Variants in AKAP8 observed in about 807,000 individuals in gnomAD.
AKAP8 encodes A-kinase anchor protein 8.
Under a neutral mutation model 67.5 loss-of-function variants are expected in AKAP8, and 24 were observed. The ratio of observed to expected loss-of-function variants is 0.36; its 90% CI spans 0.26 to 0.50. The LOEUF is 0.50. Among genes scored for constraint, AKAP8 ranks in the 20% least tolerant of loss-of-function variants. The probability of loss-of-function intolerance (pLI) is 0.97; values close to 1 mark genes in which losing one functional copy is unlikely to be tolerated. For synonymous variants in AKAP8, 400 were observed against 371.1 expected (o/e 1.08, Z -0.90); for missense variants, 971 against 955.9 (o/e 1.02, Z -0.21).
intron 9 of AKAP8, among the ~76,000 whole-genome samples, chr19:15,365,394 T>G (rs1471394926): frequency 6.6e-6 from 1 of 152,240 alleles, no homozygotes; most frequent in Non-Finnish European, 1.5e-5. Flanking sequence ...GCAACCACGC[T>G]GCATGGCAAG....
Position 15,373,036 on chromosome 19 carries a change from C to T in AKAP8, c.676G>A (p.Glu226Lys), listed in dbSNP as rs200383217. The T allele has an allele frequency of 4.9e-3, 7,837 of 1,594,842 alleles. 24 individuals carry two copies. Among genetic ancestry groups the T allele is most frequent in the Non-Finnish European group, 6.2e-3 (7,192 of 1,168,666 alleles). The change falls in exon 5 of 14, where the codon GAG becomes AAG. Residue 226 changes from glutamate (E) to lysine (K), a missense_variant. By Grantham distance (56) the Glu-to-Lys change is moderately conservative. Transcript: ENST00000269701. ...CCCCGTCCACCCACGTAGTTCAGCT[C>T]GTTCCAGGGCGTGGACAGGGGCTCA... ...SSEPLSTPWN[E>K]LNYVGGRGLG... is the part of the protein sequence containing the mutation.
intron 12 of AKAP8, 22 bp downstream of exon 12, chr19:15,360,826 C>T (rs750238286): frequency 6.2e-7 from 1 of 1,607,362 alleles, no homozygotes; most frequent in South Asian, 1.1e-5. Flanking sequence ...GCACCCCAGG[C>T]AGTGTGGGGA....
Position 15,373,143 on chromosome 19 carries a change from C to T in AKAP8, c.569G>A (p.Arg190Gln), listed in dbSNP as rs773929361. The T allele has an allele frequency of 2.6e-5, 42 of 1,613,030 alleles. No individual in the cohort carries two copies. The highest frequency in any genetic ancestry group is 1.3e-4 in the Admixed American group (8 of 59,970). The change falls in exon 5 of 14, where the codon CGG becomes CAG. Residue 190 changes from arginine (R) to glutamine (Q), a missense_variant. Around this residue, in one of 3 missense-constraint regions of AKAP8, gnomAD observed 763 missense variants for 745.4 expected, o/e 1.02. Transcript: ENST00000269701. ...CCGGTCCTGGAAGCGGCCCTGGCCCCGGCCCCGCATGAAGCCATCAAGGGA... is the reference window on the plus strand; with the variant it reads ...CCGGTCCTGGAAGCGGCCCTGGCCCTGGCCCCGCATGAAGCCATCAAGGGA... The part of the protein sequence containing the change: ...RGSLDGFMRG[R>Q]GQGRFQDRSN...
rs370557589 is a variant in AKAP8 at position 15,355,398 on chromosome 19, G to C, written c.1624-28C>G. On this transcript the variant is annotated intron_variant, in intron 13 of 13. Coordinates refer to ENST00000269701, the MANE Select transcript of AKAP8 (RefSeq NM_005858.4). Reference sequence around the variant, plus strand: ...GGCCAAAGAGGAAACACCGGTCAGCGTGGTGTAAGCAGAGCTCAGGAGGCC... The same window carrying C: ...GGCCAAAGAGGAAACACCGGTCAGCCTGGTGTAAGCAGAGCTCAGGAGGCC... 125 of 1,592,952 alleles carry C rather than the reference G, an allele frequency of 7.8e-5. 1 individual carries two copies. The East Asian group carries it at 1.9e-3, about 25-fold the overall frequency.
chr19:15,358,401 C>A (rs1328807921), intron 13 of AKAP8, among the ~76,000 whole-genome samples: 1 of 151,622 alleles, frequency 6.6e-6, no homozygotes, highest in African/African-American at 2.4e-5. Flanking sequence ...GTCACCTGGG[C>A]TGGAGTGTAG....
At chr19:15,359,593 G>A (rs371657241) in intron 12 of AKAP8, among the ~76,000 whole-genome samples, 2 of 152,014 alleles carry the variant, frequency 1.3e-5, no homozygotes, top group Non-Finnish European at 1.5e-5. Context: ...GTGCACACCC[G>A]TAATCCCAGC....
At chr19:15,358,152 C>G (rs1966909900) in intron 13 of AKAP8, among the ~76,000 whole-genome samples, 1 of 152,116 alleles carries the variant, frequency 6.6e-6, no homozygotes, top group South Asian at 2.1e-4. Flanking sequence ...GAACACTGAG[C>G]AAAATGGGTT....
chr19:15,378,442 T>G (rs1020487569), intron 1 of AKAP8, among the ~76,000 whole-genome samples: 3 of 150,290 alleles, frequency 2.0e-5, no homozygotes, highest in Non-Finnish European at 4.4e-5. Flanking sequence ...GAAGAGGGGG[T>G]AAAAAAAACC....
rs375868421 is a variant in AKAP8 at position 15,370,109 on chromosome 19, G to C, written c.1072+37C>G. ...GCAGTAAGTGCGGGGCAGCTGGGAA[G>C]ACACAGGAAAGCTGCAAGGGACACG... On this transcript the variant is annotated intron_variant, in intron 8 of 13. Coordinates refer to ENST00000269701, the MANE Select transcript of AKAP8 (RefSeq NM_005858.4). The C allele has an allele frequency of 1.9e-6, 3 of 1,613,312 alleles. No individual in the cohort carries two copies. The Admixed American group carries it at 5.0e-5, about 27-fold the overall frequency.
Position 15,372,247 on chromosome 19 carries a change from A to G in AKAP8, c.962T>C (p.Val321Ala), listed in dbSNP as rs567716912. Residue 321 changes from valine to alanine, a missense_variant, in exon 6 of 14, where the codon GTT becomes GCT. Coordinates refer to ENST00000269701, the MANE Select transcript of AKAP8 (RefSeq NM_005858.4). ...TTCGGAGAAATCTCCTTCACTGTCA[A>G]CCCGGGCCAGTTTGGTGTCTGGCTC... ...YEEPDTKLAR[V>A]DSEGDFSEND... 6.3e-5 allele frequency: 102 copies of G among 1,614,102 alleles called. No homozygotes were observed. The highest frequency in any genetic ancestry group is 1.6e-4 in the African/African-American group (12 of 74,998).
chr19:15,355,158 T>C lies in AKAP8; in HGVS notation c.1836A>G (p.Thr612=). 1 of 1,613,002 alleles carries C rather than the reference T, an allele frequency of 6.2e-7. No individual in the cohort carries two copies. Among genetic ancestry groups the C allele is most frequent in the Non-Finnish European group, 8.5e-7 (1 of 1,180,046 alleles). ...CTTGAGGATCACTACCGGCCTCCGC[T>C]GTGTCCGTGGGGCCTTCGTCCTCAG... ...EPAEDEGPTD[T]AEAGSDPQAE... is the part of the protein sequence containing the mutation. Residue 612 remains threonine (T), a synonymous_variant, in exon 14 of 14, where the codon ACA becomes ACG. Coordinates refer to ENST00000269701, the MANE Select transcript of AKAP8 (RefSeq NM_005858.4).
chr19:15,364,053 A>G (rs1245593964), intron 9 of AKAP8, among the ~76,000 whole-genome samples: 2 of 105,104 alleles, frequency 1.9e-5, no homozygotes, highest in Non-Finnish European at 3.7e-5. Context: ...AAGAATGATC[A>G]ATAAAAATAA....
intron 8 of AKAP8, chr19:15,368,907 T>C: frequency 1.0e-6 from 1 of 985,002 alleles, no homozygotes; most frequent in Non-Finnish European, 1.2e-6. Context: ...TGGGAAGCAA[T>C]CCTAGAAAAA....
chr19:15,360,895 G>A lies in AKAP8; in HGVS notation c.1480C>T (p.Leu494Phe), dbSNP rs1966953297. Residue 494 changes from leucine (L) to phenylalanine (F), a missense_variant, in exon 12 of 14, where the codon CTC becomes TTC. Leu to Phe is a conservative substitution (Grantham distance 22). This residue lies in a region of AKAP8 where 763 missense variants were observed against 745.4 expected (regional missense o/e 1.02). Transcript: ENST00000269701. ...ACGGAGTGCAGGTGCCGCTGGAGGA[G>A]CTGCGGCTGTGCAGGAATTAGCATG... ...CDMLIPAQPQ[L>F]LQRHLHSVDH... The A allele has an allele frequency of 5.0e-6, 8 of 1,613,608 alleles. No homozygotes were observed. Among genetic ancestry groups the A allele is most frequent in the Non-Finnish European group, 5.9e-6 (7 of 1,179,906 alleles).
intron 5 of AKAP8, 35 bp from the exon 6 acceptor site, chr19:15,372,382 C>T (rs369665779): frequency 1.4e-5 from 23 of 1,607,462 alleles, no homozygotes; most frequent in Admixed American, 3.3e-5. Context: ...GAGCTACTTA[C>T]GAGGGCCATG....
At position 15,368,312 on chromosome 19, in the gene AKAP8, C is replaced by G. The variant is rs1239564420; in HGVS notation, c.1083G>C (p.Glu361Asp). 2.5e-6 allele frequency: 4 copies of G among 1,613,698 alleles called. No individual in the cohort carries two copies. Among genetic ancestry groups the G allele is most frequent in the Non-Finnish European group, 3.4e-6 (4 of 1,179,978 alleles). The change falls in exon 9 of 14, where the codon GAG becomes GAC. Residue 361 changes from glutamate (E) to aspartate (D), a missense_variant. Around this residue, in one of 3 missense-constraint regions of AKAP8, gnomAD observed 763 missense variants for 745.4 expected, o/e 1.02. Transcript: ENST00000269701. ...CDSGRQRGEK[E>D]DEDEDVKKRR... ...TCTTCTTCACATCCTCGTCCTCGTC[C>G]TCCTTCTCTCCTGTAACAGACAAGT...
rs368044286 is a variant in AKAP8, at chr19:15,373,890, G to A, written c.267C>T (p.Ser89=). 2.0e-5 allele frequency: 33 copies of A among 1,613,474 alleles called. No homozygotes were observed. Among genetic ancestry groups the A allele is most frequent in the East Asian group, 2.0e-4 (9 of 44,892 alleles). ...SYGPEPCTDN[S]DSLIAKINQR... ...GGTTGATCTTGGCAATGAGGGAGTC[G>A]GAATTGTCGGTGCATGGCTCTGGGC... is the stretch of plus-strand genomic sequence containing the variant. Residue 89 remains serine (S), a synonymous_variant, in exon 4 of 14, where the codon TCC becomes TCT. Coordinates refer to ENST00000269701, the MANE Select transcript of AKAP8 (RefSeq NM_005858.4).
intron 1 of AKAP8, chr19:15,379,490 C>T (rs1294951754): frequency 4.1e-6 from 2 of 491,696 alleles, no homozygotes; most frequent in East Asian, 3.6e-5. Flanking sequence ...CGAGTCCCGC[C>T]CGCCTCCTCG....
At chr19:15,379,221 G>A (rs1317214558) in intron 1 of AKAP8, 2 of 156,764 alleles carry the variant, frequency 1.3e-5, no homozygotes, top group African/African-American at 2.4e-5. Flanking sequence ...CGCGGGCCTA[G>A]GGCAGGTCGG....
Sources: allele counts gnomAD v4.1 joint callset (sites outside exome capture counted in the v4.1 genomes callset), GRCh38; gene constraint gnomAD v4.1.1; regional missense constraint gnomAD v4.1.1; transcripts MANE v1.5; gene names NCBI Gene and HGNC (gene_info 2026-07-23, HGNC 2026-07-21).